The following RPRD2 variants were observed in gnomAD, a reference collection of about 807,000 sequenced individuals.
The protein encoded by RPRD2 is regulation of nuclear pre-mRNA domain containing 2.
A neutral mutation model predicts 104.4 loss-of-function variants in RPRD2; 12 were observed. The ratio of observed to expected loss-of-function variants is 0.11; its 90% CI spans 0.07 to 0.19. The LOEUF (loss-of-function observed/expected upper bound fraction) is 0.19, where lower values mean the gene tolerates loss of function less well. Ranked by LOEUF, RPRD2 falls within the 10% of genes least tolerant of loss-of-function variation. The pLI, the probability that RPRD2 is intolerant of heterozygous loss-of-function variation, is 1.00. For missense variants in RPRD2, 1,543 were observed against 1,790.1 expected (o/e 0.86, Z 2.49); for synonymous variants, 714 against 684.9 (o/e 1.04, Z -0.66).
intron 1 of RPRD2, among the ~76,000 whole-genome samples, chr1:150,416,713 T>C (rs1460066474): frequency 6.6e-5 from 10 of 151,188 alleles, no homozygotes; most frequent in African/African-American, 2.2e-4. Context: ...CTACCAAAAA[T>C]ACAAAAAAAT....
chr1:150,430,727 C>T (rs587755123), intron 2 of RPRD2, among the ~76,000 whole-genome samples: 1 of 152,212 alleles, frequency 6.6e-6, no homozygotes, highest in South Asian at 2.1e-4. Context: ...GTTGGGAGTT[C>T]GAGACCAGCC....
chr1:150,444,819 A>G (rs142811561), intron 6 of RPRD2, among the ~76,000 whole-genome samples: 268 of 152,300 alleles, frequency 1.8e-3, no homozygotes, highest in African/African-American at 6.1e-3. Context: ...CATAATAGAT[A>G]TTTGATGAAT....
chr1:150,452,661 C>CCTTTTTTTTTTTTTTTTTT, intron 7 of RPRD2, among the ~76,000 whole-genome samples: 1 of 71,220 alleles, frequency 1.4e-5, no homozygotes, highest in Admixed American at 1.9e-4. Flanking sequence ...GACATATCCC[C>CCTTTTTTTTTTTTTTTTTT]TTTTTTTTTT....
At chr1:150,435,543 T>C (rs967122004) in intron 2 of RPRD2, among the ~76,000 whole-genome samples, 2 of 152,156 alleles carry the variant, frequency 1.3e-5, no homozygotes, top group African/African-American at 4.8e-5. Flanking sequence ...ATTGCTAATA[T>C]GGAGAAAGTT....
At chr1:150,415,120 T>C (rs1471748729) in intron 1 of RPRD2, among the ~76,000 whole-genome samples, 1 of 152,038 alleles carries the variant, frequency 6.6e-6, no homozygotes, top group Admixed American at 6.6e-5. Flanking sequence ...AGGTCAGGAT[T>C]TCAAGACCAG....
intron 1 of RPRD2, among the ~76,000 whole-genome samples, chr1:150,369,384 G>A (rs1300063607): frequency 1.4e-5 from 2 of 146,164 alleles, no homozygotes; most frequent in African/African-American, 5.1e-5. Flanking sequence ...CTGGGCTCAA[G>A]CAATCCTGCC....
intron 1 of RPRD2, among the ~76,000 whole-genome samples, chr1:150,406,429 A>T (rs1663481907): frequency 6.6e-6 from 1 of 152,136 alleles, no homozygotes; most frequent in Admixed American, 6.6e-5. Flanking sequence ...TTTTTGAGAC[A>T]AGAGTCTCTC....
At chr1:150,438,464 A>T (rs1359307890) in intron 2 of RPRD2, among the ~76,000 whole-genome samples, 1 of 150,594 alleles carries the variant, frequency 6.6e-6, no homozygotes, top group African/African-American at 2.4e-5. Context: ...CGTCCCTACT[A>T]AAAAAAAATA....
intron 1 of RPRD2, among the ~76,000 whole-genome samples, chr1:150,400,808 T>A (rs373098491): frequency 6.6e-6 from 1 of 152,170 alleles, no homozygotes; most frequent in Non-Finnish European, 1.5e-5. Flanking sequence ...AGTTCCCTTA[T>A]ATTTCTAGTT....
At chr1:150,368,209 T>G (rs1385376028) in intron 1 of RPRD2, among the ~76,000 whole-genome samples, 4 of 131,148 alleles carry the variant, frequency 3.0e-5, no homozygotes, top group Non-Finnish European at 5.0e-5. Context: ...TTTCTTGTTT[T>G]TTTTTTTTTT....
intron 2 of RPRD2, among the ~76,000 whole-genome samples, chr1:150,435,459 A>G (rs2102337012): frequency 6.6e-6 from 1 of 152,340 alleles, no homozygotes; most frequent in South Asian, 2.1e-4. Flanking sequence ...CAGGTTGTGA[A>G]TGCAAAGTTC....
At chr1:150,404,823 A>T (rs1553886171) in intron 1 of RPRD2, among the ~76,000 whole-genome samples, 7 of 152,204 alleles carry the variant, frequency 4.6e-5, no homozygotes, top group Non-Finnish European at 1.5e-5. Context: ...GTTCCTATCC[A>T]GAATTCAGTC....
intron 1 of RPRD2, among the ~76,000 whole-genome samples, chr1:150,382,815 C>T (rs1489367470): frequency 1.3e-5 from 2 of 152,002 alleles, no homozygotes; most frequent in Non-Finnish European, 1.5e-5. Context: ...CCACTGAACT[C>T]CAGCCTGGTC....
intron 2 of RPRD2, among the ~76,000 whole-genome samples, chr1:150,424,642 G>C (rs1553890272): frequency 6.6e-6 from 1 of 152,080 alleles, no homozygotes. Flanking sequence ...GAGCAGTTAA[G>C]ATACCACCCA....
chr1:150,370,815 G>T lies in RPRD2; in HGVS notation c.205+5896G>T, dbSNP rs1444360735. The stretch of plus-strand genomic sequence containing the variant: ...GGTCTCAACCTCCTAAGCTCAAGCA[G>T]CCCACCCTCCTTGGCTTCCCAAAGT... On this transcript the variant is annotated intron_variant, in intron 1 of 10. Transcript: ENST00000369068. 3.9e-5 allele frequency among the ~76,000 whole-genome samples: 6 copies of T among 151,944 alleles called. No homozygotes were observed. The East Asian group carries it at 1.2e-3, about 29-fold the overall frequency.
At chr1:150,366,392 A>G (rs782638835) in intron 1 of RPRD2, among the ~76,000 whole-genome samples, 12 of 152,234 alleles carry the variant, frequency 7.9e-5, no homozygotes, top group Non-Finnish European at 1.5e-4. Context: ...GGTTCTTTGA[A>G]TAATAATGCA....
At chr1:150,434,740 C>T (rs908737384) in intron 2 of RPRD2, among the ~76,000 whole-genome samples, 9 of 152,090 alleles carry the variant, frequency 5.9e-5, no homozygotes, top group Non-Finnish European at 1.2e-4. Context: ...TCACTTGAGC[C>T]TGGGAGGTGG....
rs587772583 is a variant in RPRD2 at position 150,464,379 on chromosome 1, T to G, written c.1412-148T>G. ...TTTTCAGGGTTTTTTTTTTTTTTTT[T>G]GTACATGTCATGTTATGATGGACCA... On this transcript the variant is annotated intron_variant, in intron 9 of 10. Coordinates refer to ENST00000369068, the MANE Select transcript of RPRD2 (RefSeq NM_015203.5). 515 of 454,018 alleles carry G rather than the reference T, an allele frequency of 1.1e-3. 2 individuals carry two copies. The highest frequency in any genetic ancestry group is 0.011 in the African/African-American group (470 of 44,266). The allele number at this position is 454,018 out of a possible 1,614,324, so 28.1% of individuals were successfully genotyped here. A position where few individuals can be genotyped will look rare whatever the true frequency, so the allele number is the denominator to read the frequency against.
At chr1:150,406,586 A>G (rs1189938434) in intron 1 of RPRD2, among the ~76,000 whole-genome samples, 4 of 152,072 alleles carry the variant, frequency 2.6e-5, no homozygotes, top group African/African-American at 9.7e-5. Context: ...TTTACTATAG[A>G]TGGGGTTTCA....
Sources: allele counts gnomAD v4.1 joint callset (sites outside exome capture counted in the v4.1 genomes callset), GRCh38; gene constraint gnomAD v4.1.1; transcripts MANE v1.5; gene names NCBI Gene and HGNC (gene_info 2026-07-23, HGNC 2026-07-21).